Variants in NCOA4 observed in about 807,000 individuals in gnomAD.
NCOA4 encodes the protein nuclear receptor coactivator 4, also known as 70 kDa AR-activator.
NCOA4 carries 31 observed loss-of-function variants against 69.5 expected under a neutral mutation model. The observed-to-expected ratio is 0.45, with a 90% CI of 0.34 to 0.60. The LOEUF is 0.60. NCOA4 is among the 20% of genes least tolerant of loss of function. The pLI is 0.02. For synonymous variants in NCOA4, 228 were observed against 252.4 expected, an observed-to-expected ratio of 0.90 and a Z score of 0.92; for missense variants, 600 against 719.2, an observed-to-expected ratio of 0.83 and a Z score of 1.90.
chr10:46,017,560 G>GA (rs1310575191), intron 1 of NCOA4, among the ~76,000 whole-genome samples: 1 of 151,934 alleles, frequency 6.6e-6, no homozygotes, highest in African/African-American at 2.4e-5. Flanking sequence ...CAACAAAAAA[G>GA]AATATAACAG....
At chr10:46,024,987 G>T (rs1477702742) in intron 1 of NCOA4, among the ~76,000 whole-genome samples, 2 of 152,174 alleles carry the variant, frequency 1.3e-5, no homozygotes, top group Non-Finnish European at 2.9e-5. Flanking sequence ...TACAGATATA[G>T]ATATGAGAGG....
chr10:46,021,982 A>G (rs1839897125), intron 1 of NCOA4, among the ~76,000 whole-genome samples: 1 of 152,146 alleles, frequency 6.6e-6, no homozygotes, highest in African/African-American at 2.4e-5. Context: ...ATAAATAAAT[A>G]AACAGTACCC....
At chr10:46,018,795 G>C (rs569504127) in intron 1 of NCOA4, among the ~76,000 whole-genome samples, 1 of 152,334 alleles carries the variant, frequency 6.6e-6, no homozygotes, top group Admixed American at 6.5e-5. Flanking sequence ...GGAGAAGCCA[G>C]CTTTGGGGTG....
chr10:46,024,353 G>A (rs1840047783), intron 1 of NCOA4, among the ~76,000 whole-genome samples: 1 of 152,146 alleles, frequency 6.6e-6, no homozygotes, highest in Admixed American at 6.5e-5. Flanking sequence ...TCTATTTTAT[G>A]TGCCTCTGAA....
In NCOA4 at chr10:46,010,661, C is replaced by T. The variant is rs112613721; in HGVS notation, c.1260G>A (p.Glu420=). 4.1e-3 allele frequency: 6,679 copies of T among 1,614,168 alleles called. 25 individuals carry two copies. The highest frequency in any genetic ancestry group is 5.0e-3 in the Non-Finnish European group (5,850 of 1,180,034). ...CTSFAECVCD[E]NCEKEALYKW... is the part of the protein sequence containing the mutation. ...TATACAGAGCCTCCTTCTCACAATT[C>T]TCATCACACACACACTCTGCAAAGC... Residue 420 remains glutamate (E), a synonymous_variant, in exon 8 of 10, where the codon GAG becomes GAA. Coordinates refer to ENST00000581486, the MANE Select transcript of NCOA4 (RefSeq NM_001145263.2).
At position 46,014,892 on chromosome 10, in the gene NCOA4, G is replaced by C. The variant is rs782302180; in HGVS notation, c.333C>G (p.Asn111Lys). The change falls in exon 4 of 10, where the codon AAC becomes AAG. Residue 111 changes from asparagine (N) to lysine (K), a missense_variant. Transcript: ENST00000581486. Reference protein sequence around the residue: ...CLTHQLECTQNKDLANQVSVC... With the variant: ...CLTHQLECTQKKDLANQVSVC... ...CAGAGACTTGATTGGCTAGATCTTT[G>C]TTTTGGGTACACTCCAGTTGATGAG... 6.2e-7 allele frequency: 1 copy of C among 1,614,124 alleles called. No individual in the cohort carries two copies. Among genetic ancestry groups the C allele is most frequent in the East Asian group, 2.2e-5 (1 of 44,880 alleles).
At chr10:46,013,876 G>A (rs367775194) in intron 5 of NCOA4, among the ~76,000 whole-genome samples, 1 of 151,772 alleles carries the variant, frequency 6.6e-6, no homozygotes, top group Admixed American at 6.6e-5. Flanking sequence ...AGACCCAAAC[G>A]TTTCGTTCTT....
chr10:46,022,722 C>T (rs868978243), intron 1 of NCOA4, among the ~76,000 whole-genome samples: 1 of 152,128 alleles, frequency 6.6e-6, no homozygotes, highest in African/African-American at 2.4e-5. Flanking sequence ...GCCTCGGCCT[C>T]CCAAAGTGCT....
chr10:46,010,149 C>T, intron 8 of NCOA4, 74 bp downstream of exon 8: 1 of 1,500,322 alleles, frequency 6.7e-7, no homozygotes, highest in Non-Finnish European at 8.8e-7. Flanking sequence ...GCCTGAGTGA[C>T]AGAGACCCCA....
chr10:46,012,231 C>T (rs1400601076), intron 7 of NCOA4, among the ~76,000 whole-genome samples: 1 of 152,030 alleles, frequency 6.6e-6, no homozygotes, highest in Non-Finnish European at 1.5e-5. Flanking sequence ...GAAGCAGGTA[C>T]CCTGAATATT....
intron 1 of NCOA4, among the ~76,000 whole-genome samples, chr10:46,020,806 A>C (rs1000106704): frequency 9.9e-5 from 15 of 152,222 alleles, no homozygotes; most frequent in Admixed American, 7.8e-4. Context: ...TAATATTCAA[A>C]TCAATAAAAG....
At chr10:46,027,524 C>A (rs1840232174) in intron 1 of NCOA4, 1 of 1,504,622 alleles carries the variant, frequency 6.6e-7, no homozygotes, top group East Asian at 2.5e-5. Context: ...TGTGTCCAGA[C>A]ATAACTGTAT....
intron 9 of NCOA4, among the ~76,000 whole-genome samples, chr10:46,008,686 G>A (rs1839002879): frequency 6.6e-6 from 1 of 152,174 alleles, no homozygotes; most frequent in African/African-American, 2.4e-5. Flanking sequence ...GCAGCAACAT[G>A]GTTTGACTCC....
intron 8 of NCOA4, 146 bp downstream of exon 8, chr10:46,010,077 G>T: frequency 1.0e-6 from 1 of 992,984 alleles, no homozygotes; most frequent in Non-Finnish European, 1.4e-6. Context: ...TGCGGGCAGG[G>T]GGATGGCTGG....
At position 46,015,221 on chromosome 10, in the gene NCOA4, G is replaced by GCCTA; in HGVS notation, c.186_187insTAGG (p.Leu63Ter). 1 of 1,614,050 alleles carries GCCTA rather than the reference G, an allele frequency of 6.2e-7. No homozygotes were observed. The highest frequency in any genetic ancestry group is 8.5e-7 in the Non-Finnish European group (1 of 1,180,000). On this transcript the variant is annotated stop_gained and frameshift_variant, in exon 3 of 10. Coordinates refer to ENST00000581486, the MANE Select transcript of NCOA4 (RefSeq NM_001145263.2). LOFTEE classifies it high-confidence loss of function. The stretch of plus-strand genomic sequence containing the variant: ...TACAGCCATACCTCACGGCTTCTAA[G>GCCTA]ACATTCCAGGTGACGGCTTATGCAA...
At chr10:46,024,859 C>A (rs1840075351) in intron 1 of NCOA4, among the ~76,000 whole-genome samples, 1 of 152,218 alleles carries the variant, frequency 6.6e-6, no homozygotes, top group South Asian at 2.1e-4. Flanking sequence ...TATGGCTCCC[C>A]ATTTGCCTAC....
intron 1 of NCOA4, chr10:46,022,472 T>C (rs1179431090): frequency 2.1e-6 from 1 of 467,474 alleles, no homozygotes; most frequent in South Asian, 1.6e-5. Context: ...TTTTGGGTTT[T>C]TTTTTTGTTT....
rs1005584143 is a variant in NCOA4, at chr10:46,022,998, G to A, written c.-14-6304C>T. Reference sequence around the variant, plus strand: ...AGATTTAACACTTCAGAGTTTACTAGGCTCAGATTTGTCCACCTTTATACA... The same window carrying A: ...AGATTTAACACTTCAGAGTTTACTAAGCTCAGATTTGTCCACCTTTATACA... On this transcript the variant is annotated intron_variant, in intron 1 of 9. Transcript: ENST00000581486. Among the ~76,000 whole-genome samples, 3 of 152,272 alleles carry A rather than the reference G, an allele frequency of 2.0e-5. No individual in the cohort carries two copies. In the East Asian group the frequency reaches 5.8e-4, roughly 29 times the overall value.
intron 1 of NCOA4, chr10:46,019,405 A>G (rs1839742089): frequency 1.0e-6 from 1 of 985,298 alleles, no homozygotes; most frequent in Non-Finnish European, 1.2e-6. Context: ...TAGGCCAGTC[A>G]TGCAAGACCT....
Sources: gnomAD v4.1 joint callset for allele counts (sites outside exome capture counted in the v4.1 genomes callset) on GRCh38, gnomAD v4.1.1 for gene constraint, MANE v1.5 for transcripts, NCBI Gene and HGNC (gene_info 2026-07-23, HGNC 2026-07-21) for gene names.